Variants in MBD5 observed in about 807,000 individuals in gnomAD.
The protein encoded by MBD5 is methyl-CpG binding domain protein 5.
Under a neutral mutation model 117.3 loss-of-function variants are expected in MBD5, and 13 were observed. That is an observed-to-expected ratio of 0.11 (90% CI 0.07 to 0.18). The LOEUF (loss-of-function observed/expected upper bound fraction) is 0.18, where lower values mean the gene tolerates loss of function less well. Among genes scored for constraint, MBD5 ranks in the 10% least tolerant of loss-of-function variants. The probability of loss-of-function intolerance (pLI) is 1.00; values close to 1 mark genes in which losing one functional copy is unlikely to be tolerated. For synonymous variants in MBD5, 727 were observed against 766.4 expected, an observed-to-expected ratio of 0.95 and a Z score of 0.85; for missense variants, 1,879 against 2,093.8, an observed-to-expected ratio of 0.90 and a Z score of 2.00.
intron 1 of MBD5, among the ~76,000 whole-genome samples, chr2:148,158,888 T>A (rs1697936296): frequency 6.6e-6 from 1 of 152,136 alleles, no homozygotes. Context: ...CCTGGCTAAT[T>A]TTTTTTGGTA....
intron 2 of MBD5, among the ~76,000 whole-genome samples, chr2:148,230,966 G>A (rs1038832288): frequency 6.6e-6 from 1 of 152,166 alleles, no homozygotes; most frequent in Non-Finnish European, 1.5e-5. Context: ...CTTAAATGGA[G>A]TGAGTGGGTC....
intron 2 of MBD5, among the ~76,000 whole-genome samples, chr2:148,204,620 G>C (rs1377488555): frequency 2.6e-5 from 4 of 152,142 alleles, no homozygotes. Flanking sequence ...ACTTGTGTCT[G>C]TCTTATCCAC....
intron 4 of MBD5, among the ~76,000 whole-genome samples, chr2:148,387,565 A>G (rs189701148): frequency 2.6e-5 from 4 of 152,274 alleles, no homozygotes; most frequent in Admixed American, 2.6e-4. Context: ...TATAAGCATT[A>G]AAAAGAAAGA....
At position 148,085,597 on chromosome 2, in the gene MBD5, G is replaced by A. The variant is rs1163020612; in HGVS notation, c.-925+63913G>A. Among the ~76,000 whole-genome samples, 7 of 150,780 alleles carry A rather than the reference G, an allele frequency of 4.6e-5. No homozygotes were observed. The South Asian group carries it at 1.1e-3, about 23-fold the overall frequency. On this transcript the variant is annotated intron_variant, in intron 1 of 13. Transcript: ENST00000642680. ...AAATTAGCCGGGCGTAGTGGCGGGC[G>A]CCTGTAGTCCCAGCTACTTGGGAGG... is the stretch of plus-strand genomic sequence containing the variant.
At chr2:148,099,709 T>C (rs762672951) in intron 1 of MBD5, among the ~76,000 whole-genome samples, 1 of 152,162 alleles carries the variant, frequency 6.6e-6, no homozygotes, top group Non-Finnish European at 1.5e-5. Context: ...TTGGTATATT[T>C]TGGGTGTTCT....
intron 1 of MBD5, among the ~76,000 whole-genome samples, chr2:148,119,731 T>A (rs773041425): frequency 6.6e-6 from 1 of 152,128 alleles, no homozygotes; most frequent in Non-Finnish European, 1.5e-5. Flanking sequence ...AGCTCTCCAG[T>A]TTACCCAGCA....
intron 4 of MBD5, among the ~76,000 whole-genome samples, chr2:148,344,567 G>A (rs1703038210): frequency 6.6e-6 from 1 of 151,830 alleles, no homozygotes; most frequent in Admixed American, 6.6e-5. Flanking sequence ...GTTTGTGAAT[G>A]TGTGTGTGAC....
intron 4 of MBD5, among the ~76,000 whole-genome samples, chr2:148,455,822 AATG>A (rs1706862058): frequency 6.6e-6 from 1 of 152,106 alleles, no homozygotes; most frequent in Non-Finnish European, 1.5e-5. Flanking sequence ...GGCCCAGTGT[AATG>A]ATGAGACCAC....
chr2:148,022,461 C>T (rs1693780721), intron 1 of MBD5, among the ~76,000 whole-genome samples: 1 of 152,146 alleles, frequency 6.6e-6, no homozygotes, highest in South Asian at 2.1e-4. Context: ...TACTTATTTT[C>T]CATATGATGA....
intron 4 of MBD5, among the ~76,000 whole-genome samples, chr2:148,418,941 A>C (rs1705509424): frequency 6.6e-6 from 1 of 152,180 alleles, no homozygotes; most frequent in Non-Finnish European, 1.5e-5. Flanking sequence ...AAAAGAACAA[A>C]TCTGGAGGCA....
At chr2:148,339,687 A>G (rs1334582930) in intron 3 of MBD5, among the ~76,000 whole-genome samples, 1 of 152,064 alleles carries the variant, frequency 6.6e-6, no homozygotes, top group Non-Finnish European at 1.5e-5. Flanking sequence ...GCCAACACCT[A>G]AAAGTCTTTC....
intron 2 of MBD5, among the ~76,000 whole-genome samples, chr2:148,209,716 ATCAGGGCC>A (rs1253327593): frequency 6.6e-6 from 1 of 152,020 alleles, no homozygotes; most frequent in Non-Finnish European, 1.5e-5. Context: ...TTGGCTTCTT[ATCAGGGCC>A]TCAGGAAGCA....
chr2:148,459,372 G>C (rs1403069299), intron 5 of MBD5, among the ~76,000 whole-genome samples: 2 of 152,132 alleles, frequency 1.3e-5, no homozygotes, highest in African/African-American at 4.8e-5. Context: ...AAGTGAAAAA[G>C]TCATGGAGAA....
At chr2:148,193,056 C>T (rs1399327743) in intron 2 of MBD5, among the ~76,000 whole-genome samples, 1 of 112,544 alleles carries the variant, frequency 8.9e-6, no homozygotes, top group African/African-American at 3.2e-5. Flanking sequence ...TTACAAGGGA[C>T]ATGAAGGACC....
At chr2:148,298,808 A>G (rs560243083) in intron 3 of MBD5, among the ~76,000 whole-genome samples, 1 of 152,362 alleles carries the variant, frequency 6.6e-6, no homozygotes, top group South Asian at 2.1e-4. Context: ...TTGTATGTAT[A>G]GACTTAGTGC....
At chr2:148,425,318 C>G (rs762591321) in intron 4 of MBD5, among the ~76,000 whole-genome samples, 9 of 152,202 alleles carry the variant, frequency 5.9e-5, no homozygotes, top group African/African-American at 9.6e-5. Context: ...CACATACACT[C>G]TCCCAAGTCT....
chr2:148,207,692 G>GA (rs34113572), intron 2 of MBD5, among the ~76,000 whole-genome samples: 118 of 142,526 alleles, frequency 8.3e-4, no homozygotes, highest in African/African-American at 1.9e-3. Context: ...TAGAAGTTAG[G>GA]AAAAAAAAAA....
At position 148,463,823 on chromosome 2, in the gene MBD5, A is replaced by G; in HGVS notation, c.301A>G (p.Ile101Val). The change falls in exon 7 of 14, where the codon ATA becomes GTA. Residue 101 changes from isoleucine (I) to valine (V), a missense_variant. Ile to Val is a conservative substitution (Grantham distance 29, BLOSUM62 3). This residue lies in a region of MBD5 where 71 missense variants were observed against 129.2 expected (regional missense o/e 0.55). Coordinates refer to ENST00000642680, the MANE Select transcript of MBD5 (RefSeq NM_001378120.1). ...KADEDVTKLC[I>V]HKRKIIAVAT... ...AGATGAAGATGTCACAAAGCTATGCATACATAAAAGAAAAATTATTGCAGT... is the reference window on the plus strand; with the variant it reads ...AGATGAAGATGTCACAAAGCTATGCGTACATAAAAGAAAAATTATTGCAGT... The G allele has an allele frequency of 6.2e-7, 1 of 1,613,850 alleles. No homozygotes were observed. Among genetic ancestry groups the G allele is most frequent in the Non-Finnish European group, 8.5e-7 (1 of 1,179,800 alleles).
intron 4 of MBD5, among the ~76,000 whole-genome samples, chr2:148,350,480 A>G (rs1703223989): frequency 6.6e-6 from 1 of 152,084 alleles, no homozygotes; most frequent in Non-Finnish European, 1.5e-5. Context: ...GGGATAGGAA[A>G]TGCAGTGATA....
Sources: allele counts gnomAD v4.1 joint callset (sites outside exome capture counted in the v4.1 genomes callset), GRCh38; gene constraint gnomAD v4.1.1; regional missense constraint gnomAD v4.1.1; transcripts MANE v1.5; gene names NCBI Gene and HGNC (gene_info 2026-07-23, HGNC 2026-07-21).